Variants in TRPC4 observed in about 807,000 individuals in gnomAD.
TRPC4 encodes the protein short transient receptor potential channel 4.
In TRPC4, 49 loss-of-function variants were observed where a neutral mutation model predicts 99.4. The observed-to-expected ratio is 0.49, with a 90% CI of 0.39 to 0.63. The LOEUF is 0.63. Ranked by LOEUF, TRPC4 falls within the 20% of genes least tolerant of loss-of-function variation. The pLI is 0.00. For synonymous variants in TRPC4, 454 were observed against 425.9 expected, an observed-to-expected ratio of 1.07 and a Z score of -0.81; for missense variants, 898 against 1,152.9, an observed-to-expected ratio of 0.78 and a Z score of 3.20.
chr13:37,707,949 A>G (rs576372501), intron 3 of TRPC4, among the ~76,000 whole-genome samples: 1 of 152,248 alleles, frequency 6.6e-6, no homozygotes, highest in East Asian at 1.9e-4. Context: ...CACTTTGGAC[A>G]TCTTCTTGGA....
chr13:37,824,386 T>G (rs1415667771), intron 1 of TRPC4, among the ~76,000 whole-genome samples: 2 of 151,030 alleles, frequency 1.3e-5, no homozygotes, highest in Non-Finnish European at 2.9e-5. Flanking sequence ...TTTTGCCCAT[T>G]CAGTATGATA....
intron 3 of TRPC4, among the ~76,000 whole-genome samples, chr13:37,722,748 A>C (rs1240818194): frequency 6.6e-6 from 1 of 152,214 alleles, no homozygotes; most frequent in African/African-American, 2.4e-5. Flanking sequence ...CTATTGTTTC[A>C]ATTTTATTTT....
In TRPC4 at chr13:37,635,254, T is replaced by G. The variant is rs926179449; in HGVS notation, c.*1649A>C. ...GCTCTTTTTATGTTCTGAAAGGCAG[T>G]TACAATGCAGTGGTGAAGGGAATGG... is the stretch of plus-strand genomic sequence containing the variant. On this transcript the variant is annotated 3_prime_UTR_variant, in exon 11 of 11. Coordinates refer to ENST00000379705, the MANE Select transcript of TRPC4 (RefSeq NM_016179.4). 1.3e-5 allele frequency among the ~76,000 whole-genome samples: 2 copies of G among 152,080 alleles called. No homozygotes were observed. The highest frequency in any genetic ancestry group is 4.8e-5 in the African/African-American group (2 of 41,416).
chr13:37,752,439 C>G (rs935884657), intron 2 of TRPC4, among the ~76,000 whole-genome samples: 4 of 151,874 alleles, frequency 2.6e-5, no homozygotes, highest in Non-Finnish European at 4.4e-5. Context: ...ATCAGAGTTC[C>G]AAGCCTTCCA....
intron 2 of TRPC4, among the ~76,000 whole-genome samples, chr13:37,750,404 T>C (rs1449540553): frequency 6.6e-6 from 1 of 152,166 alleles, no homozygotes; most frequent in East Asian, 1.9e-4. Context: ...CCACTGCAAT[T>C]ACGTTGGTTT....
chr13:37,785,013 G>A (rs9532116), intron 1 of TRPC4, among the ~76,000 whole-genome samples: 79,043 of 151,774 alleles, frequency 0.52, 21,106 homozygotes, highest in East Asian at 0.78. Flanking sequence ...AATTTTAGAC[G>A]TGCAAATTAC....
intron 1 of TRPC4, among the ~76,000 whole-genome samples, chr13:37,859,013 G>T (rs1272982752): frequency 6.6e-6 from 1 of 151,298 alleles, no homozygotes; most frequent in Non-Finnish European, 1.5e-5. Flanking sequence ...ATTACTGACT[G>T]CGTGCCTGCA....
intron 2 of TRPC4, among the ~76,000 whole-genome samples, chr13:37,770,946 C>A (rs910740829): frequency 1.3e-5 from 2 of 151,548 alleles, no homozygotes; most frequent in African/African-American, 4.8e-5. Context: ...TGGTACTTGT[C>A]TATATCTTCT....
Position 37,841,105 on chromosome 13 carries a change from G to A in TRPC4, c.-28+28490C>T, listed in dbSNP as rs146990815. ...ATAAAATTTAAAAGTAGTTGAAATT[G>A]TGCTTGTTTATAATAATAACAGGTG... On this transcript the variant is annotated intron_variant, in intron 1 of 10. Coordinates refer to ENST00000379705, the MANE Select transcript of TRPC4 (RefSeq NM_016179.4). Among the ~76,000 whole-genome samples, 71 of 152,154 alleles carry A rather than the reference G, an allele frequency of 4.7e-4. 1 individual carries two copies. The highest frequency in any genetic ancestry group is 1.6e-3 in the African/African-American group (67 of 41,548).
intron 1 of TRPC4, among the ~76,000 whole-genome samples, chr13:37,831,352 T>A (rs1958416812): frequency 6.6e-6 from 1 of 152,208 alleles, no homozygotes; most frequent in African/African-American, 2.4e-5. Flanking sequence ...TCCCATCTGT[T>A]AGAATATCAA....
chr13:37,841,974 AAAAG>A (rs1237975929), intron 1 of TRPC4, among the ~76,000 whole-genome samples: 1 of 152,112 alleles, frequency 6.6e-6, no homozygotes. Context: ...CTCAAAAAGA[AAAAG>A]AAAACTTATG....
Position 37,746,185 on chromosome 13 carries a change from A to G in TRPC4, c.649T>C (p.Phe217Leu). The G allele has an allele frequency of 6.2e-7, 1 of 1,613,880 alleles. No individual in the cohort carries two copies. Among genetic ancestry groups the G allele is most frequent in the South Asian group, 1.1e-5 (1 of 91,084 alleles). Residue 217 changes from phenylalanine to leucine, a missense_variant, in exon 3 of 11, where the codon TTT becomes CTT. By Grantham distance (22) the Phe-to-Leu change is conservative. Around this residue, in one of 3 missense-constraint regions of TRPC4, gnomAD observed 278 missense variants for 346.6 expected, o/e 0.80. Transcript: ENST00000379705. The part of the protein sequence containing the change: ...SLIALSSEDP[F>L]LTAFQLSWEL... ...CAACTTAACTGAAAGGCTGTGAGAA[A>G]AGGATCTTCGCTTGACAGTGCAATG...
intron 1 of TRPC4, among the ~76,000 whole-genome samples, chr13:37,790,658 C>A (rs1957095456): frequency 6.6e-6 from 1 of 152,128 alleles, no homozygotes; most frequent in African/African-American, 2.4e-5. Context: ...ACTATTAGGT[C>A]ACAAAAATTG....
At position 37,633,899 on chromosome 13, in the gene TRPC4, G is replaced by T. The variant is rs1371481232; in HGVS notation, c.*3004C>A. 6.6e-6 allele frequency among the ~76,000 whole-genome samples: 1 copy of T among 151,968 alleles called. No homozygotes were observed. The highest frequency in any genetic ancestry group is 1.5e-5 in the Non-Finnish European group (1 of 67,950). On this transcript the variant is annotated 3_prime_UTR_variant, in exon 11 of 11. Coordinates refer to ENST00000379705, the MANE Select transcript of TRPC4 (RefSeq NM_016179.4). Reference sequence around the variant, plus strand: ...AAGTTAATATAGATTTATTTGCACAGAAATTTTAAGGAAAACCTTTATTAC... The same window carrying T: ...AAGTTAATATAGATTTATTTGCACATAAATTTTAAGGAAAACCTTTATTAC...
At chr13:37,799,406 A>G (rs977296781) in intron 1 of TRPC4, among the ~76,000 whole-genome samples, 2 of 152,070 alleles carry the variant, frequency 1.3e-5, no homozygotes, top group African/African-American at 4.8e-5. Flanking sequence ...TTCTTTTGTC[A>G]AATTCTAGAA....
chr13:37,719,716 G>A (rs1255766986), intron 3 of TRPC4, among the ~76,000 whole-genome samples: 2 of 142,432 alleles, frequency 1.4e-5, no homozygotes, highest in African/African-American at 6.0e-5. Context: ...ATTGCATGAG[G>A]TATACAATAT....
At chr13:37,641,392 TATTCCACA>T (rs1951711573) in intron 8 of TRPC4, among the ~76,000 whole-genome samples, 1 of 152,246 alleles carries the variant, frequency 6.6e-6, no homozygotes, top group Non-Finnish European at 1.5e-5. Flanking sequence ...CAACCAATTA[TATTCCACA>T]ATTATGTGGT....
At chr13:37,758,703 T>C (rs1956154589) in intron 2 of TRPC4, among the ~76,000 whole-genome samples, 1 of 151,726 alleles carries the variant, frequency 6.6e-6, no homozygotes, top group Non-Finnish European at 1.5e-5. Flanking sequence ...CAAAAATCTA[T>C]ACTTTTCTTA....
chr13:37,803,794 C>T (rs1348901979), intron 1 of TRPC4, among the ~76,000 whole-genome samples: 1 of 151,972 alleles, frequency 6.6e-6, no homozygotes, highest in Non-Finnish European at 1.5e-5. Flanking sequence ...TGTGAAGGAA[C>T]AGCAATGCAG....
Sources: allele counts gnomAD v4.1 joint callset (sites outside exome capture counted in the v4.1 genomes callset), GRCh38; gene constraint gnomAD v4.1.1; regional missense constraint gnomAD v4.1.1; transcripts MANE v1.5; gene names NCBI Gene and HGNC (gene_info 2026-07-23, HGNC 2026-07-21).